The following SLIT3 variants were observed in gnomAD, a reference collection of about 807,000 sequenced individuals.
The protein encoded by SLIT3 is slit guidance ligand 3, also known as slit homolog 3 protein.
SLIT3 carries 68 observed loss-of-function variants against 184.0 expected under a neutral mutation model. The ratio of observed to expected loss-of-function variants is 0.37; its 90% CI spans 0.30 to 0.45. The LOEUF (loss-of-function observed/expected upper bound fraction) is 0.45. Ranked by LOEUF, SLIT3 falls within the 20% of genes least tolerant of loss-of-function variation. SLIT3 has a pLI of 1.00. For missense variants in SLIT3, 1,707 were observed against 2,026.0 expected, an observed-to-expected ratio of 0.84 and a Z score of 3.02; for synonymous variants, 831 against 828.6, an observed-to-expected ratio of 1.00 and a Z score of -0.05.
chr5:169,029,159 G>A (rs188219322), intron 4 of SLIT3, among the ~76,000 whole-genome samples: 28 of 152,308 alleles, frequency 1.8e-4, no homozygotes, highest in Middle Eastern at 6.8e-3. Context: ...TAAGCTATCC[G>A]TAAGCTTCAC....
chr5:168,669,747 C>G (rs781152983), intron 35 of SLIT3, 36 bp downstream of exon 35: 2 of 1,569,774 alleles, frequency 1.3e-6, no homozygotes, highest in Non-Finnish European at 8.8e-7. Flanking sequence ...AACTCTGACC[C>G]CCACTTCCTC....
chr5:169,247,375 T>C (rs1278831949), intron 2 of SLIT3, among the ~76,000 whole-genome samples: 1 of 152,192 alleles, frequency 6.6e-6, no homozygotes, highest in East Asian at 1.9e-4. Flanking sequence ...GCTAAGTTTT[T>C]ACTATCCATC....
intron 4 of SLIT3, among the ~76,000 whole-genome samples, chr5:169,183,813 C>T (rs574951519): frequency 1.1e-3 from 164 of 152,298 alleles, no homozygotes; most frequent in South Asian, 4.8e-3. Context: ...TATATCCCTT[C>T]CAGTAATATC....
intron 4 of SLIT3, among the ~76,000 whole-genome samples, chr5:169,015,356 G>A (rs1397285179): frequency 2.6e-5 from 4 of 152,204 alleles, no homozygotes; most frequent in Non-Finnish European, 5.9e-5. Context: ...GCAGGTGTGT[G>A]TTAATGACTG....
rs149289846 is a variant in SLIT3, at chr5:168,776,822, A to G, written c.1152-2444T>C. 6.3e-3 allele frequency among the ~76,000 whole-genome samples: 965 copies of G among 152,172 alleles called. 13 individuals are homozygous for G. Among genetic ancestry groups the G allele is most frequent in the African/African-American group, 0.022 (902 of 41,516 alleles). Reference sequence around the variant, plus strand: ...GGGCTCAGGAATGGACCCTTCACACACACAGTGTTTTGATTTTTTTTAAAG... The same window carrying G: ...GGGCTCAGGAATGGACCCTTCACACGCACAGTGTTTTGATTTTTTTTAAAG... On this transcript the variant is annotated intron_variant, in intron 12 of 35. Coordinates refer to ENST00000519560, the MANE Select transcript of SLIT3 (RefSeq NM_003062.4).
intron 4 of SLIT3, among the ~76,000 whole-genome samples, chr5:169,130,827 T>C (rs1254195410): frequency 6.6e-6 from 1 of 152,240 alleles, no homozygotes. Flanking sequence ...ACTGATCATG[T>C]GTCAGCATGA....
intron 8 of SLIT3, among the ~76,000 whole-genome samples, chr5:168,814,769 C>T (rs1050980649): frequency 1.8e-4 from 28 of 152,350 alleles, no homozygotes; most frequent in African/African-American, 6.5e-4. Context: ...GCAGAAACCA[C>T]AATTATTTTT....
intron 2 of SLIT3, among the ~76,000 whole-genome samples, chr5:169,246,693 G>A (rs1464436543): frequency 6.6e-6 from 1 of 152,056 alleles, no homozygotes; most frequent in Non-Finnish European, 1.5e-5. Flanking sequence ...GGCTGAGGCA[G>A]GTGGACCAGG....
chr5:169,078,940 T>C (rs996212076), intron 4 of SLIT3, among the ~76,000 whole-genome samples: 3 of 152,234 alleles, frequency 2.0e-5, no homozygotes, highest in African/African-American at 7.2e-5. Context: ...TTAAATGCCA[T>C]AGTTCAAACT....
At chr5:169,059,154 C>T (rs1758100240) in intron 4 of SLIT3, among the ~76,000 whole-genome samples, 1 of 152,176 alleles carries the variant, frequency 6.6e-6, no homozygotes. Context: ...TTGGTAGAGT[C>T]ACTGTCAGAA....
intron 4 of SLIT3, among the ~76,000 whole-genome samples, chr5:168,899,633 A>AT (rs1237952831): frequency 4.6e-5 from 7 of 152,344 alleles, no homozygotes; most frequent in African/African-American, 1.7e-4. Flanking sequence ...AAGCATTGCC[A>AT]TGTAGGTTCA....
At position 168,679,707 on chromosome 5, in the gene SLIT3, G is replaced by A. The variant is rs116108867; in HGVS notation, c.3686+4259C>T. 4.2e-3 allele frequency among the ~76,000 whole-genome samples: 632 copies of A among 152,258 alleles called. 5 individuals are homozygous for A. Among genetic ancestry groups the A allele is most frequent in the African/African-American group, 0.014 (576 of 41,530 alleles). On this transcript the variant is annotated intron_variant, in intron 32 of 35. Transcript: ENST00000519560. ...GGGTAGGCAGCAAGCGGAGACCTCAGGCCCCACTGCAGCAACCCCCTACTC... is the reference window on the plus strand; with the variant it reads ...GGGTAGGCAGCAAGCGGAGACCTCAAGCCCCACTGCAGCAACCCCCTACTC...
chr5:169,203,973 C>A (rs1232511338), intron 3 of SLIT3, among the ~76,000 whole-genome samples: 1 of 152,068 alleles, frequency 6.6e-6, no homozygotes, highest in Non-Finnish European at 1.5e-5. Context: ...ATGGGGCACT[C>A]AGGGATAAGA....
chr5:169,163,199 T>C (rs576538281), intron 4 of SLIT3, among the ~76,000 whole-genome samples: 2 of 152,160 alleles, frequency 1.3e-5, no homozygotes, highest in African/African-American at 4.8e-5. Context: ...TGTGTGCCTG[T>C]AATCCCAGCT....
chr5:169,039,349 T>A (rs1757369609), intron 4 of SLIT3, among the ~76,000 whole-genome samples: 1 of 150,306 alleles, frequency 6.7e-6, no homozygotes, highest in Admixed American at 6.6e-5. Context: ...TGCAGTCTTG[T>A]TCTGTCGCCC....
chr5:168,978,220 G>A (rs1358029975), intron 4 of SLIT3, among the ~76,000 whole-genome samples: 3 of 152,216 alleles, frequency 2.0e-5, no homozygotes, highest in Non-Finnish European at 4.4e-5. Flanking sequence ...GCTGCTAAGT[G>A]CGTAGAAGTT....
chr5:169,125,798 C>T (rs899101518), intron 4 of SLIT3, among the ~76,000 whole-genome samples: 8 of 152,206 alleles, frequency 5.3e-5, no homozygotes, highest in Non-Finnish European at 1.0e-4. Context: ...CGAACGCATT[C>T]CTTCCATACC....
intron 3 of SLIT3, among the ~76,000 whole-genome samples, chr5:169,235,018 T>C (rs1296057704): frequency 6.6e-6 from 1 of 152,214 alleles, no homozygotes; most frequent in African/African-American, 2.4e-5. Flanking sequence ...CCCTCAGAGT[T>C]GACTTTTCCA....
chr5:169,181,537 C>T (rs889387458), intron 4 of SLIT3, among the ~76,000 whole-genome samples: 5 of 152,016 alleles, frequency 3.3e-5, no homozygotes, highest in Admixed American at 1.3e-4. Context: ...GTCAAGAGAT[C>T]GAGACCATCC....
Sources: gnomAD v4.1 joint callset for allele counts (sites outside exome capture counted in the v4.1 genomes callset) on GRCh38, gnomAD v4.1.1 for gene constraint, MANE v1.5 for transcripts, NCBI Gene and HGNC (gene_info 2026-07-23, HGNC 2026-07-21) for gene names.